SEM1: variants seen among roughly 807,000 people sequenced by gnomAD.
SEM1 encodes SEM1 26S proteasome subunit, also known as 26S proteasome complex subunit SEM1.
A neutral mutation model predicts 12.7 loss-of-function variants in SEM1; 3 were observed. That is an observed-to-expected ratio of 0.24 (90% CI 0.11 to 0.61). The LOEUF is 0.61. SEM1 is among the 20% of genes least tolerant of loss of function. SEM1 has a pLI of 0.88. For synonymous variants in SEM1, 30 were observed against 27.8 expected (o/e 1.08, Z -0.25); for missense variants, 59 against 81.3 (o/e 0.73, Z 1.06).
At chr7:96,583,564 C>T (rs1304340033) in intron 2 of SEM1, among the ~76,000 whole-genome samples, 2 of 149,774 alleles carry the variant, frequency 1.3e-5, no homozygotes, top group African/African-American at 4.9e-5. Flanking sequence ...CTAATGTTGA[C>T]AGTGGTGTGT....
intron 2 of SEM1, among the ~76,000 whole-genome samples, chr7:96,565,229 T>G (rs879884665): frequency 2.0e-5 from 3 of 151,946 alleles, no homozygotes; most frequent in Non-Finnish European, 4.4e-5. Flanking sequence ...AAAAATGTCA[T>G]TCCATATACT....
At chr7:96,549,763 CT>C (rs1029445906) in intron 2 of SEM1, among the ~76,000 whole-genome samples, 35 of 152,090 alleles carry the variant, frequency 2.3e-4, no homozygotes, top group African/African-American at 8.2e-4. Flanking sequence ...TTATTTAGTT[CT>C]TTTTTTCCCT....
At chr7:96,537,782 G>A (rs1804831401) in intron 2 of SEM1, among the ~76,000 whole-genome samples, 1 of 151,452 alleles carries the variant, frequency 6.6e-6, no homozygotes, top group Admixed American at 6.6e-5. Flanking sequence ...ATTTATCCTG[G>A]TTGGTGTTCT....
exon 2 of SEM1, chr7:96,486,224 G>A: frequency 6.5e-7 from 1 of 1,534,488 alleles, no homozygotes; most frequent in African/African-American, 1.4e-5. Context: ...GGCTAACTCT[G>A]TTGTCGCTCT....
At chr7:96,542,782 G>A (rs1053063553) in intron 2 of SEM1, among the ~76,000 whole-genome samples, 3 of 151,476 alleles carry the variant, frequency 2.0e-5, no homozygotes, top group Non-Finnish European at 4.4e-5. Flanking sequence ...CAAATTTTGG[G>A]GGAAATATGA....
intron 2 of SEM1, among the ~76,000 whole-genome samples, chr7:96,659,862 T>C (rs1435283417): frequency 2.0e-5 from 2 of 102,458 alleles, no homozygotes; most frequent in African/African-American, 7.7e-5. Flanking sequence ...AGATGATACA[T>C]AGAAGAATCA....
chr7:96,585,348 G>T (rs968016410), intron 2 of SEM1, among the ~76,000 whole-genome samples: 6 of 152,216 alleles, frequency 3.9e-5, no homozygotes, highest in African/African-American at 1.2e-4. Flanking sequence ...CTTCGTGCTG[G>T]GAGAACCACT....
chr7:96,556,127 G>A (rs1456479374), intron 2 of SEM1, among the ~76,000 whole-genome samples: 58 of 152,118 alleles, frequency 3.8e-4, no homozygotes, highest in Non-Finnish European at 4.7e-4. Context: ...ACACTGATGG[G>A]TCTTGACTCT....
At chr7:96,529,088 C>T (rs1804562541) in intron 2 of SEM1, among the ~76,000 whole-genome samples, 1 of 152,038 alleles carries the variant, frequency 6.6e-6, no homozygotes, top group Non-Finnish European at 1.5e-5. Flanking sequence ...GGTAACTGAC[C>T]TCATCCCTTA....
At chr7:96,529,187 A>G (rs1804566271) in intron 2 of SEM1, among the ~76,000 whole-genome samples, 1 of 152,112 alleles carries the variant, frequency 6.6e-6, no homozygotes, top group Non-Finnish European at 1.5e-5. Flanking sequence ...CAGCTTGTAG[A>G]CATTCCTTCC....
intron 2 of SEM1, among the ~76,000 whole-genome samples, chr7:96,555,380 G>A (rs1180809161): frequency 1.3e-5 from 2 of 150,624 alleles, no homozygotes; most frequent in African/African-American, 2.4e-5. Flanking sequence ...AGAGATTCTG[G>A]TATGTTGTGT....
chr7:96,664,308 C>A (rs1789104299), intron 2 of SEM1: 1 of 152,210 alleles, frequency 6.6e-6, no homozygotes, highest in East Asian at 1.9e-4. Context: ...GTTCCCTGTT[C>A]TTTTGCATTG....
chr7:96,545,709 A>G (rs1227443249), intron 2 of SEM1, among the ~76,000 whole-genome samples: 1 of 152,042 alleles, frequency 6.6e-6, no homozygotes, highest in Non-Finnish European at 1.5e-5. Flanking sequence ...AATTTTCACT[A>G]TTTAATACAC....
chr7:96,561,502 G>A (rs1373019103), intron 2 of SEM1, among the ~76,000 whole-genome samples: 7 of 152,150 alleles, frequency 4.6e-5, no homozygotes, highest in African/African-American at 1.7e-4. Flanking sequence ...TCAAACCTTC[G>A]ACGCCTATAA....
upstream of SEM1, among the ~76,000 whole-genome samples, chr7:96,501,011 C>A (rs1342269513): frequency 2.0e-5 from 3 of 152,110 alleles, no homozygotes; most frequent in African/African-American, 4.8e-5. Context: ...CCCAAAGAAC[C>A]AAGATGTTAC....
At chr7:96,650,686 A>C (rs748536791) in intron 2 of SEM1, among the ~76,000 whole-genome samples, 1 of 148,828 alleles carries the variant, frequency 6.7e-6, no homozygotes, top group Admixed American at 6.6e-5. Context: ...AGATGCGCGC[A>C]CACACACACA....
intron 3 of SEM1, among the ~76,000 whole-genome samples, chr7:96,484,505 C>T (rs562792184): frequency 6.6e-6 from 1 of 152,064 alleles, no homozygotes; most frequent in African/African-American, 2.4e-5. Context: ...TCAGTAAATA[C>T]CTGAAGAGAA....
chr7:96,693,760 T>TTGTGTG (rs566641071), intron 2 of SEM1, among the ~76,000 whole-genome samples: 16,124 of 139,300 alleles, frequency 0.12, 1,135 homozygotes, highest in African/African-American at 0.19. Flanking sequence ...ACAATTCCAC[T>TTGTGTG]TGTGTGTGTG....
At chr7:96,706,156 G>A (rs1159143598) in intron 1 of SEM1, 1 of 152,146 alleles carries the variant, frequency 6.6e-6, no homozygotes, top group Non-Finnish European at 1.5e-5. Flanking sequence ...TAATTGTGAG[G>A]AAATGCCAAT....
Sources: gnomAD v4.1 joint callset for allele counts (sites outside exome capture counted in the v4.1 genomes callset) on GRCh38, gnomAD v4.1.1 for gene constraint, MANE v1.5 for transcripts, NCBI Gene and HGNC (gene_info 2026-07-23, HGNC 2026-07-21) for gene names.